ELP3: variants seen among roughly 807,000 people sequenced by gnomAD.
ELP3 encodes elongator acetyltransferase complex subunit 3.
A neutral mutation model predicts 74.9 loss-of-function variants in ELP3; 56 were observed. The ratio of observed to expected loss-of-function variants is 0.75; its 90% CI spans 0.60 to 0.93. The LOEUF is 0.93. ELP3 is among the 40% of genes least tolerant of loss of function. The pLI is 0.00. For synonymous variants in ELP3, 222 were observed against 239.8 expected, an observed-to-expected ratio of 0.93 and a Z score of 0.68; for missense variants, 573 against 686.5, an observed-to-expected ratio of 0.83 and a Z score of 1.85.
chr8:28,179,428 T>C (rs1814906594), intron 14 of ELP3, among the ~76,000 whole-genome samples: 1 of 152,226 alleles, frequency 6.6e-6, no homozygotes, highest in Non-Finnish European at 1.5e-5. Context: ...TGTCTTTACT[T>C]TGCATTATTA....
intron 12 of ELP3, among the ~76,000 whole-genome samples, chr8:28,159,308 T>A (rs1308307477): frequency 6.6e-6 from 1 of 152,242 alleles, no homozygotes; most frequent in Non-Finnish European, 1.5e-5. Context: ...GATATTTCTG[T>A]TCTCAGCATG....
chr8:28,107,954 C>T lies in ELP3; in HGVS notation c.371C>T (p.Thr124Ile). 6.2e-7 allele frequency: 1 copy of T among 1,613,904 alleles called. No homozygotes were observed. The highest frequency in any genetic ancestry group is 8.5e-7 in the Non-Finnish European group (1 of 1,179,922). The stretch of plus-strand genomic sequence containing the variant: ...CCTGATTCTGATTTTGAGTATTCCA[C>T]CCAGTCTTACACTGGCTATGAGGTA... Reference protein sequence around the residue: ...GGPDSDFEYSTQSYTGYEPTS... With the variant: ...GGPDSDFEYSIQSYTGYEPTS... Residue 124 changes from threonine (T) to isoleucine (I), a missense_variant, in exon 5 of 15, where the codon ACC becomes ATC. By Grantham distance (89) the Thr-to-Ile change is moderately conservative. Transcript: ENST00000256398.
intron 10 of ELP3, among the ~76,000 whole-genome samples, chr8:28,142,762 T>C (rs1024222046): frequency 1.4e-3 from 218 of 152,356 alleles, no homozygotes; most frequent in African/African-American, 5.0e-3. Flanking sequence ...GTACAAAGAC[T>C]AATATGTTCA....
intron 14 of ELP3, among the ~76,000 whole-genome samples, chr8:28,165,190 G>C (rs184387963): frequency 3.9e-5 from 6 of 152,250 alleles, no homozygotes; most frequent in African/African-American, 1.2e-4. Context: ...ATCTTTTACA[G>C]TTCTGACTCT....
intron 10 of ELP3, among the ~76,000 whole-genome samples, chr8:28,152,905 T>C (rs1446003860): frequency 6.6e-6 from 1 of 152,238 alleles, no homozygotes; most frequent in Non-Finnish European, 1.5e-5. Context: ...AGGTCTATGA[T>C]CCATTTTGAG....
intron 10 of ELP3, among the ~76,000 whole-genome samples, chr8:28,140,126 G>GTA (rs1298805466): frequency 6.8e-6 from 1 of 147,952 alleles, no homozygotes; most frequent in African/African-American, 2.6e-5. Context: ...GTGTGTGTGT[G>GTA]TGTGTGTGTG....
Position 28,099,515 on chromosome 8 carries a change from G to A in ELP3, c.120-313G>A, listed in dbSNP as rs184064810. 3.3e-5 allele frequency among the ~76,000 whole-genome samples: 5 copies of A among 152,306 alleles called. No homozygotes were observed. The East Asian group carries it at 7.7e-4, about 23-fold the overall frequency. The stretch of plus-strand genomic sequence containing the variant: ...ATCAGTAGTGCTGAGGTTGAGAAAG[G>A]TGGAGTCAGAATAGTCCTTTGAAGC... On this transcript the variant is annotated intron_variant, in intron 2 of 14. Coordinates refer to ENST00000256398, the MANE Select transcript of ELP3 (RefSeq NM_018091.6).
chr8:28,165,742 C>T (rs1814280520), intron 14 of ELP3, among the ~76,000 whole-genome samples: 2 of 152,150 alleles, frequency 1.3e-5, no homozygotes, highest in African/African-American at 2.4e-5. Context: ...AGCCTCTAGA[C>T]AATATTATGA....
intron 14 of ELP3, among the ~76,000 whole-genome samples, 172 bp downstream of exon 14, chr8:28,162,250 G>A (rs777417017): frequency 6.6e-6 from 1 of 152,204 alleles, no homozygotes; most frequent in Non-Finnish European, 1.5e-5. Flanking sequence ...GCAGTTTAGT[G>A]GAATAGAGAT....
At chr8:28,108,304 A>G (rs1585645819) in intron 5 of ELP3, among the ~76,000 whole-genome samples, 1 of 152,220 alleles carries the variant, frequency 6.6e-6, no homozygotes, top group East Asian at 1.9e-4. Flanking sequence ...AAACTAGGGC[A>G]TAGCAGGCTT....
chr8:28,092,425 C>G (rs1347999530), upstream of ELP3, among the ~76,000 whole-genome samples: 2 of 152,136 alleles, frequency 1.3e-5, no homozygotes, highest in African/African-American at 4.8e-5. Flanking sequence ...GACAGGGTTT[C>G]ACCATGTTGA....
intron 7 of ELP3, among the ~76,000 whole-genome samples, chr8:28,121,589 G>T (rs1812375825): frequency 1.3e-5 from 2 of 151,896 alleles, no homozygotes; most frequent in Admixed American, 1.3e-4. Flanking sequence ...CAAAGTGCTG[G>T]GATTACAGGT....
upstream of ELP3, chr8:28,090,336 A>T: frequency 2.6e-6 from 1 of 377,678 alleles, no homozygotes; most frequent in Non-Finnish European, 5.2e-6. Flanking sequence ...TAGTCTGGTG[A>T]GTGTAGTGCC....
In ELP3 at chr8:28,137,701, T is replaced by C; in HGVS notation, c.910T>C (p.Phe304Leu). ...ATTTTCTGTTCTCTATTCACAGGAG[T>C]TTTTTGAGAACCCTGCTTTTCGTCC... Reference protein sequence around the residue: ...LERDIEQFTEFFENPAFRPDG... With the variant: ...LERDIEQFTELFENPAFRPDG... The change falls in exon 10 of 15, where the codon TTT (phenylalanine) becomes CTT (leucine). Residue 304 changes from phenylalanine to leucine, a missense_variant. Coordinates refer to ENST00000256398, the MANE Select transcript of ELP3 (RefSeq NM_018091.6). 1 of 1,611,462 alleles carries C rather than the reference T, an allele frequency of 6.2e-7. No individual in the cohort carries two copies. Among genetic ancestry groups the C allele is most frequent in the Middle Eastern group, 1.7e-4 (1 of 6,024 alleles).
chr8:28,095,963 G>A lies in ELP3; in HGVS notation c.20-1256G>A, dbSNP rs144991768. On this transcript the variant is annotated intron_variant, in intron 1 of 14. Coordinates refer to ENST00000256398, the MANE Select transcript of ELP3 (RefSeq NM_018091.6). ...TGAGCCAGACAGAAGAAGGTGAGCA[G>A]CAGGCGAGCAAGTGAAGCTTCATCA... Among the ~76,000 whole-genome samples the A allele has an allele frequency of 3.9e-5, 6 of 152,324 alleles. No individual in the cohort carries two copies. In the East Asian group the frequency reaches 1.2e-3, roughly 29 times the overall value.
rs188320572 is a variant in ELP3, at chr8:28,185,688, G to A, written c.1568-3961G>A. Among the ~76,000 whole-genome samples the A allele has an allele frequency of 7.9e-5, 12 of 152,292 alleles. 1 individual carries two copies. In the East Asian group the frequency reaches 1.4e-3, roughly 17 times the overall value. ...GGGAGGGCCTTAGCAGACAGAATGGGCGGCTGCTGAGGGAAGCGCCCAGAG... is the reference window on the plus strand; with the variant it reads ...GGGAGGGCCTTAGCAGACAGAATGGACGGCTGCTGAGGGAAGCGCCCAGAG... On this transcript the variant is annotated intron_variant, in intron 14 of 14. Coordinates refer to ENST00000256398, the MANE Select transcript of ELP3 (RefSeq NM_018091.6).
At position 28,137,859 on chromosome 8, in the gene ELP3, G is replaced by C; in HGVS notation, c.1068G>C (p.Val356=). The part of the protein sequence containing the change: ...VELVARILAL[V]PPWTRVYRVQ... ...TGGTGGCTCGGATCCTAGCCCTCGT[G>C]CCTCCATGGACTCGAGTGTACCGAG... Residue 356 remains valine (V), a synonymous_variant, in exon 10 of 15, where the codon GTG becomes GTC. Transcript: ENST00000256398. 1 of 1,613,116 alleles carries C rather than the reference G, an allele frequency of 6.2e-7. No homozygotes were observed. Among genetic ancestry groups the C allele is most frequent in the Non-Finnish European group, 8.5e-7 (1 of 1,179,742 alleles).
rs1815408571 is a variant in ELP3 at position 28,190,273 on chromosome 8, TAGC to T, written c.*551_*553del. On this transcript the variant is annotated 3_prime_UTR_variant, in exon 15 of 15. Transcript: ENST00000256398. Reference sequence around the variant, plus strand: ...TACAGTGCTGATGTTTAGAAATAAATAGCAGTGTGACTGGGAAAGAGGAATTGC... The same window carrying T: ...TACAGTGCTGATGTTTAGAAATAAATAGTGTGACTGGGAAAGAGGAATTGC... 1.3e-5 allele frequency: 2 copies of T among 152,404 alleles called. No homozygotes were observed. The highest frequency in any genetic ancestry group is 3.9e-4 in the East Asian group (2 of 5,192). 9.4% of individuals were successfully genotyped at this position (152,404 alleles called of 1,614,324 possible). A position where few individuals can be genotyped will look rare whatever the true frequency, so the allele number is the denominator to read the frequency against.
chr8:28,163,587 C>T (rs528566737), intron 14 of ELP3, among the ~76,000 whole-genome samples: 13 of 146,910 alleles, frequency 8.8e-5, no homozygotes, highest in Admixed American at 6.8e-4. Flanking sequence ...TATCTTTCAT[C>T]GCACAAAGAG....
Sources: gnomAD v4.1 joint callset for allele counts (sites outside exome capture counted in the v4.1 genomes callset) on GRCh38, gnomAD v4.1.1 for gene constraint, MANE v1.5 for transcripts, NCBI Gene and HGNC (gene_info 2026-07-23, HGNC 2026-07-21) for gene names.